Variants in HMGB1 observed in about 807,000 individuals in gnomAD.
HMGB1 encodes the protein high mobility group protein B1.
For synonymous variants in HMGB1, 81 were observed against 84.0 expected, an observed-to-expected ratio of 0.96 and a Z score of 0.19; for missense variants, 79 against 253.5, an observed-to-expected ratio of 0.31 and a Z score of 4.67.
At chr13:30,514,939 GAGTA>G (rs1295808490) in intron 1 of HMGB1, among the ~76,000 whole-genome samples, 4 of 152,238 alleles carry the variant, frequency 2.6e-5, no homozygotes, top group South Asian at 2.1e-4. Context: ...AACACAGGCA[GAGTA>G]AGTGAGTATG....
In HMGB1 at chr13:30,557,346, C is replaced by T. The variant is rs146471462; in HGVS notation, c.-15+59325G>A. Reference sequence around the variant, plus strand: ...AACCCTAAAAGTAATCAATGTGATCCTCCTCAACGCGAGTTCCAGAGCTAA... The same window carrying T: ...AACCCTAAAAGTAATCAATGTGATCTTCCTCAACGCGAGTTCCAGAGCTAA... On this transcript the variant is annotated intron_variant, in intron 1 of 4. Coordinates refer to the HMGB1 transcript ENST00000405805. Among the ~76,000 whole-genome samples the T allele has an allele frequency of 1.1e-4, 17 of 152,244 alleles. No homozygotes were observed. The East Asian group carries it at 3.3e-3, about 29-fold the overall frequency.
At chr13:30,551,244 G>C (rs1869415954) in intron 1 of HMGB1, among the ~76,000 whole-genome samples, 1 of 152,154 alleles carries the variant, frequency 6.6e-6, no homozygotes, top group African/African-American at 2.4e-5. Flanking sequence ...ATTATTTCAT[G>C]GTTAAATACA....
At chr13:30,549,486 G>T (rs1869319304) in intron 1 of HMGB1, among the ~76,000 whole-genome samples, 1 of 152,128 alleles carries the variant, frequency 6.6e-6, no homozygotes, top group African/African-American at 2.4e-5. Context: ...GGGCTCAAGT[G>T]GTCCTCCTGC....
At position 30,477,030 on chromosome 13, in the gene HMGB1, A is replaced by G. The variant is rs1480796111; in HGVS notation, c.-14-13336T>C. On this transcript the variant is annotated intron_variant, in intron 1 of 4. Transcript: ENST00000405805. The stretch of plus-strand genomic sequence containing the variant: ...ACAATATTGACCCAGTTCTGAGTCC[A>G]AAGCCTTGTGTTTTCTCCACTAAAG... 3.3e-5 allele frequency among the ~76,000 whole-genome samples: 5 copies of G among 152,186 alleles called. No homozygotes were observed. In the East Asian group the frequency reaches 7.7e-4, roughly 23 times the overall value.
intron 1 of HMGB1, among the ~76,000 whole-genome samples, chr13:30,475,324 C>A (rs61949687): frequency 0.35 from 51,287 of 147,744 alleles, 9,063 homozygotes; most frequent in Middle Eastern, 0.43. Flanking sequence ...CTCCCTTCAC[C>A]CCACCCCAAG....
At chr13:30,476,311 G>A (rs1336870915) in intron 1 of HMGB1, among the ~76,000 whole-genome samples, 1 of 151,772 alleles carries the variant, frequency 6.6e-6, no homozygotes, top group African/African-American at 2.4e-5. Flanking sequence ...CTAATTTTTT[G>A]TATTTTCAGT....
intron 1 of HMGB1, among the ~76,000 whole-genome samples, chr13:30,525,935 G>A (rs189504121): frequency 2.0e-5 from 3 of 152,280 alleles, no homozygotes; most frequent in African/African-American, 7.2e-5. Flanking sequence ...GAGCTCAAGC[G>A]ATCTGTCCGC....
At chr13:30,535,819 G>A (rs990949510) in intron 1 of HMGB1, among the ~76,000 whole-genome samples, 8 of 152,242 alleles carry the variant, frequency 5.3e-5, no homozygotes, top group African/African-American at 1.9e-4. Context: ...GAACCCAGGA[G>A]GCAGAGGTTG....
At chr13:30,538,679 TCTTTC>T (rs1436705056) in intron 1 of HMGB1, among the ~76,000 whole-genome samples, 4 of 30,034 alleles carry the variant, frequency 1.3e-4, no homozygotes, top group Non-Finnish European at 3.5e-4. Context: ...TTTCTTTCTT[TCTTTC>T]CTTTCTTTCT....
chr13:30,602,243 C>T (rs1190843978), intron 1 of HMGB1, among the ~76,000 whole-genome samples: 2 of 152,096 alleles, frequency 1.3e-5, no homozygotes, highest in African/African-American at 4.8e-5. Flanking sequence ...GACATGTCAT[C>T]GGGGACACCA....
At chr13:30,605,344 T>C (rs1307773793) in intron 1 of HMGB1, among the ~76,000 whole-genome samples, 1 of 152,120 alleles carries the variant, frequency 6.6e-6, no homozygotes, top group Non-Finnish European at 1.5e-5. Context: ...GATAAGGTGA[T>C]TTAGGAACTA....
chr13:30,546,267 C>T (rs1294440295), intron 1 of HMGB1, among the ~76,000 whole-genome samples: 5 of 152,162 alleles, frequency 3.3e-5, no homozygotes, highest in African/African-American at 7.2e-5. Context: ...AGGTGTGCAT[C>T]GCCACGCCTG....
In HMGB1 at chr13:30,602,552, T is replaced by A. The variant is rs571093829; in HGVS notation, c.-15+14119A>T. Among the ~76,000 whole-genome samples the A allele has an allele frequency of 3.3e-5, 5 of 152,298 alleles. No individual in the cohort carries two copies. In the South Asian group the frequency reaches 1.0e-3, roughly 32 times the overall value. On this transcript the variant is annotated intron_variant, in intron 1 of 4. Transcript: ENST00000405805. Reference sequence around the variant, plus strand: ...TCATACTTTAAAAGTCATTTTTTCCTCCAAAAACTTCCAACTTTGAAAAAC... The same window carrying A: ...TCATACTTTAAAAGTCATTTTTTCCACCAAAAACTTCCAACTTTGAAAAAC...
At chr13:30,527,664 T>C (rs566805254) in intron 1 of HMGB1, among the ~76,000 whole-genome samples, 81 of 152,200 alleles carry the variant, frequency 5.3e-4, no homozygotes, top group African/African-American at 1.8e-3. Flanking sequence ...AAGCTCACCT[T>C]TACTCAGCCC....
intron 1 of HMGB1, among the ~76,000 whole-genome samples, chr13:30,615,286 G>A (rs911288929): frequency 1.3e-5 from 2 of 152,066 alleles, no homozygotes; most frequent in Non-Finnish European, 1.5e-5. Context: ...TAGCACAAGC[G>A]TGTTGCCAAA....
intron 1 of HMGB1, among the ~76,000 whole-genome samples, chr13:30,483,682 G>A (rs888262534): frequency 3.5e-5 from 5 of 144,514 alleles, no homozygotes; most frequent in African/African-American, 1.3e-4. Context: ...GACATCATCT[G>A]GGCTCACTGC....
Position 30,538,577 on chromosome 13 carries a change from TTTCTTTCTTTTTCTTTC to T in HMGB1, c.-14-74900_-14-74884del. Among the ~76,000 whole-genome samples, 11 of 144,542 alleles carry T rather than the reference TTTCTTTCTTTTTCTTTC, an allele frequency of 7.6e-5. 1 individual carries two copies. The highest frequency in any genetic ancestry group is 3.0e-4 in the African/African-American group (11 of 37,126). The allele number at this position is 144,542 out of a possible 152,430, so 94.8% of individuals were successfully genotyped here. On this transcript the variant is annotated intron_variant, in intron 1 of 4. Coordinates refer to the HMGB1 transcript ENST00000405805. Reference sequence around the variant, plus strand: ...TCTTTTTCTTTCTTCTTTTTCTTTCTTTCTTTCTTTTTCTTTCTTCTTTTTCTTTCTTTCTCTTTCTC... The same window carrying T: ...TCTTTTTCTTTCTTCTTTTTCTTTCTTTCTTTTTCTTTCTTTCTCTTTCTC...
rs143387796 is a variant in HMGB1, at chr13:30,463,233, C to T, written c.270G>A (p.Lys90=). ...GAGGCCTCTTGGGTGCATTGGGATC[C>T]TTGAACTTCTTTTTTGTCTCCCCTT... ...PPKGETKKKF[K]DPNAPKRPPS... is the part of the protein sequence containing the mutation. Residue 90 remains lysine, a synonymous_variant, in exon 3 of 5, where the codon AAG becomes AAA. Coordinates refer to ENST00000341423, the MANE Select transcript of HMGB1 (RefSeq NM_002128.7). The T allele has an allele frequency of 5.1e-5, 81 of 1,603,254 alleles. No homozygotes were observed. In the Middle Eastern group the frequency reaches 9.0e-4, roughly 18 times the overall value.
chr13:30,569,676 C>T (rs949477794), intron 1 of HMGB1, among the ~76,000 whole-genome samples: 4 of 152,218 alleles, frequency 2.6e-5, no homozygotes, highest in African/African-American at 9.6e-5. Flanking sequence ...TTTCCAAAGC[C>T]CCTGCTCTTA....
Sources: allele counts gnomAD v4.1 joint callset (sites outside exome capture counted in the v4.1 genomes callset), GRCh38; gene constraint gnomAD v4.1.1; transcripts MANE v1.5; gene names NCBI Gene and HGNC (gene_info 2026-07-23, HGNC 2026-07-21).